The following FEZ2 variants were observed in gnomAD, a reference collection of about 807,000 sequenced individuals.
The protein encoded by FEZ2 is fasciculation and elongation protein zeta 2.
In FEZ2, 51 loss-of-function variants were observed where a neutral mutation model predicts 40.4. That is an observed-to-expected ratio of 1.26 (90% CI 1.01 to 1.59). FEZ2 has a LOEUF of 1.59. Ranked by LOEUF, FEZ2 falls within the 40% of genes most tolerant of loss-of-function variation. The probability of loss-of-function intolerance (pLI) is 0.00; values close to 1 mark genes in which losing one functional copy is unlikely to be tolerated. For missense variants in FEZ2, 640 were observed against 438.3 expected, an observed-to-expected ratio of 1.46 and a Z score of -4.11; for synonymous variants, 242 against 172.0, an observed-to-expected ratio of 1.41 and a Z score of -3.18.
rs2125234273 is a variant in FEZ2 at position 36,578,875 on chromosome 2, A to C, written c.635-10T>G. The C allele has an allele frequency of 1.2e-6, 2 of 1,600,752 alleles. No homozygotes were observed. The highest frequency in any genetic ancestry group is 4.5e-5 in the East Asian group (2 of 44,758). Reference sequence around the variant, plus strand: ...GAGAGCCTTTTCACTCCTGTGACCAAAAGCAAAATACAGCAGATATTAAGA... The same window carrying C: ...GAGAGCCTTTTCACTCCTGTGACCACAAGCAAAATACAGCAGATATTAAGA... On this transcript the variant is annotated splice_polypyrimidine_tract_variant and intron_variant, in intron 4 of 7. Coordinates refer to ENST00000405912, the MANE Select transcript of FEZ2 (RefSeq NM_005102.3).
chr2:36,597,907 A>T lies in FEZ2; in HGVS notation c.236T>A (p.Ile79Asn), dbSNP rs974615055. ...AEPPRTAVRP[I>N]TERSLLQGDE... ...CCCCTGCAGGAGGCTGCGCTCCGTG[A>T]TGGGCCGCACGGCCGTCCTCGGGGG... Residue 79 changes from isoleucine (I) to asparagine (N), a missense_variant, in exon 1 of 8, where the codon ATC becomes AAC. Coordinates refer to ENST00000405912, the MANE Select transcript of FEZ2 (RefSeq NM_005102.3). 4 of 1,409,070 alleles carry T rather than the reference A, an allele frequency of 2.8e-6. No individual in the cohort carries two copies. The highest frequency in any genetic ancestry group is 1.5e-5 in the African/African-American group (1 of 66,422). 87.3% of individuals were successfully genotyped at this position (1,409,070 alleles called of 1,614,324 possible).
intron 5 of FEZ2, among the ~76,000 whole-genome samples, chr2:36,570,161 C>A (rs1471569562): frequency 6.6e-6 from 1 of 151,844 alleles, no homozygotes; most frequent in Non-Finnish European, 1.5e-5. Context: ...TGTTTTAATA[C>A]TTCAAATAAT....
chr2:36,586,626 CA>C (rs35106853), intron 2 of FEZ2, among the ~76,000 whole-genome samples: 11,103 of 121,684 alleles, frequency 0.091, 1,122 homozygotes, highest in East Asian at 0.45. Flanking sequence ...GACCATGTCT[CA>C]AAAAAAAAAA....
chr2:36,565,338 A>G (rs1349783098), intron 5 of FEZ2, among the ~76,000 whole-genome samples: 1 of 152,150 alleles, frequency 6.6e-6, no homozygotes. Flanking sequence ...ACCTGACCTA[A>G]AATCCATTTT....
intron 5 of FEZ2, among the ~76,000 whole-genome samples, chr2:36,565,253 T>G (rs1054170682): frequency 6.6e-6 from 1 of 152,222 alleles, no homozygotes; most frequent in Admixed American, 6.5e-5. Context: ...TTATCTCCAG[T>G]TGCCTCCTTC....
chr2:36,592,584 T>C (rs184427211), intron 1 of FEZ2, among the ~76,000 whole-genome samples: 206 of 150,260 alleles, frequency 1.4e-3, no homozygotes, highest in Middle Eastern at 3.5e-3. Flanking sequence ...AGTGGGAGGA[T>C]TGCTTGAAGC....
Position 36,553,175 on chromosome 2 carries a change from C to A in FEZ2, c.1050G>T (p.Leu350=), listed in dbSNP as rs1250095030. The A allele has an allele frequency of 6.4e-7, 1 of 1,560,860 alleles. No homozygotes were observed. Among genetic ancestry groups the A allele is most frequent in the Admixed American group, 1.9e-5 (1 of 52,780 alleles). The change falls in exon 8 of 8, where the codon CTG becomes CTT. Residue 350 remains leucine (L), a synonymous_variant. Coordinates refer to ENST00000405912, the MANE Select transcript of FEZ2 (RefSeq NM_005102.3). ...TAAAGTTGCTGCTCTATGTAGGACA[C>A]AGAACTAGAAGAAAAAGAGAACTTT... ...SLLTDYILKV[L]CPT is the part of the protein sequence containing the mutation.
intron 2 of FEZ2, 146 bp from the exon 3 acceptor site, chr2:36,583,615 G>C (rs1207160245): frequency 4.4e-5 from 26 of 593,874 alleles, no homozygotes; most frequent in South Asian, 4.2e-4. Flanking sequence ...CTCTGTACCA[G>C]GCAATGAGTA....
intron 5 of FEZ2, among the ~76,000 whole-genome samples, chr2:36,572,684 T>C (rs1193926172): frequency 1.3e-5 from 2 of 152,178 alleles, no homozygotes; most frequent in Admixed American, 6.5e-5. Context: ...CCTTGGACAG[T>C]AGTCTGCCTT....
At chr2:36,560,694 T>C in intron 5 of FEZ2, 5 of 729,336 alleles carry the variant, frequency 6.9e-6, no homozygotes, top group Non-Finnish European at 1.2e-5. Context: ...GCAATGGTCT[T>C]AGTAAATTAG....
chr2:36,590,229 TAC>T (rs1033846703), intron 2 of FEZ2: 1 of 152,226 alleles, frequency 6.6e-6, no homozygotes, highest in Non-Finnish European at 1.5e-5. Context: ...TTCACAGGAA[TAC>T]ACAGTCTCCT....
intron 5 of FEZ2, among the ~76,000 whole-genome samples, chr2:36,575,637 A>G (rs527370437): frequency 6.6e-6 from 1 of 152,360 alleles, no homozygotes; most frequent in South Asian, 2.1e-4. Context: ...ATAAGATAAT[A>G]CTTTCTGTAA....
chr2:36,564,612 C>T (rs1668181689), intron 5 of FEZ2, among the ~76,000 whole-genome samples: 1 of 152,106 alleles, frequency 6.6e-6, no homozygotes. Flanking sequence ...AAACTGGATG[C>T]CTACTTTCTA....
At chr2:36,578,419 A>G (rs934877098) in intron 5 of FEZ2, among the ~76,000 whole-genome samples, 178 bp downstream of exon 5, 1 of 152,214 alleles carries the variant, frequency 6.6e-6, no homozygotes. Context: ...CAAGAAAACG[A>G]CTTTCTGAAG....
intron 5 of FEZ2, among the ~76,000 whole-genome samples, chr2:36,571,153 AT>A (rs1411586574): frequency 6.6e-6 from 1 of 152,218 alleles, no homozygotes; most frequent in Admixed American, 6.5e-5. Flanking sequence ...CATAAAACAA[AT>A]TTGTTCCACA....
intron 5 of FEZ2, among the ~76,000 whole-genome samples, chr2:36,566,509 C>T (rs956673098): frequency 6.6e-6 from 1 of 151,988 alleles, no homozygotes; most frequent in African/African-American, 2.4e-5. Context: ...ATGTCAGATA[C>T]TTCTTTCATA....
At chr2:36,558,040 A>G (rs994702719) in intron 6 of FEZ2, 1 of 154,180 alleles carries the variant, frequency 6.5e-6, no homozygotes, top group African/African-American at 2.4e-5. Context: ...TTCTACATTC[A>G]TAAGAAATAA....
In FEZ2 at chr2:36,558,521, G is replaced by T; in HGVS notation, c.904-8C>A. On this transcript the variant is annotated splice_region_variant and splice_polypyrimidine_tract_variant and intron_variant, in intron 5 of 7. Transcript: ENST00000405912. ...AATGACTGTAGTCAAATACTGCCAA[G>T]TTTAAAAAAAAAAAGTGTCACTTAA... is the stretch of plus-strand genomic sequence containing the variant. 3 of 1,435,928 alleles carry T rather than the reference G, an allele frequency of 2.1e-6. No homozygotes were observed. Among genetic ancestry groups the T allele is most frequent in the South Asian group, 1.4e-5 (1 of 69,390 alleles). 88.9% of individuals were successfully genotyped at this position (1,435,928 alleles called of 1,614,324 possible).
In FEZ2 at chr2:36,558,430, T is replaced by A. The variant is rs758303930; in HGVS notation, c.979+8A>T. The A allele has an allele frequency of 3.3e-6, 5 of 1,496,014 alleles. No individual in the cohort carries two copies. The highest frequency in any genetic ancestry group is 3.6e-6 in the Non-Finnish European group (4 of 1,113,708). The allele number at this position is 1,496,014 out of a possible 1,614,324, so 92.7% of individuals were successfully genotyped here. A position where few individuals can be genotyped will look rare whatever the true frequency, so the allele number is the denominator to read the frequency against. On this transcript the variant is annotated splice_region_variant and intron_variant, in intron 6 of 7. Transcript: ENST00000405912. The stretch of plus-strand genomic sequence containing the variant: ...ATCAGGTAATAGTTTCATTTTGTCT[T>A]TGCTCACTTTTTGTTAATATTTGAA...
Sources: gnomAD v4.1 joint callset for allele counts (sites outside exome capture counted in the v4.1 genomes callset) on GRCh38, gnomAD v4.1.1 for gene constraint, MANE v1.5 for transcripts, NCBI Gene and HGNC (gene_info 2026-07-23, HGNC 2026-07-21) for gene names.